Variants in ABCC4 observed in about 807,000 individuals in gnomAD.
ABCC4 encodes ATP binding cassette subfamily C member 4 (PEL blood group).
ABCC4 carries 102 observed loss-of-function variants against 168.5 expected under a neutral mutation model. The observed-to-expected ratio is 0.61, with a 90% CI of 0.52 to 0.71. The LOEUF is 0.71. ABCC4 is among the 30% of genes least tolerant of loss of function. The pLI is 0.00. For synonymous variants in ABCC4, 617 were observed against 590.7 expected, an observed-to-expected ratio of 1.04 and a Z score of -0.65; for missense variants, 1,402 against 1,605.8, an observed-to-expected ratio of 0.87 and a Z score of 2.17.
At chr13:95,206,415 G>A (rs187661682) in intron 8 of ABCC4, 117 bp downstream of exon 8, 84 of 1,380,606 alleles carry the variant, frequency 6.1e-5, no homozygotes, top group African/African-American at 1.6e-4. Flanking sequence ...ATGGCGGCAC[G>A]TTTTGGTTAT....
chr13:95,111,498 CA>C (rs2035203579), intron 20 of ABCC4, among the ~76,000 whole-genome samples: 1 of 152,108 alleles, frequency 6.6e-6, no homozygotes, highest in African/African-American at 2.4e-5. Flanking sequence ...AAGGCCTAAT[CA>C]AAAACCTCAC....
intron 29 of ABCC4, among the ~76,000 whole-genome samples, chr13:95,040,266 C>G (rs1016868810): frequency 6.6e-6 from 1 of 152,222 alleles, no homozygotes; most frequent in Non-Finnish European, 1.5e-5. Flanking sequence ...GGATCTCACT[C>G]TGTCGCCCAG....
chr13:95,162,939 G>C (rs561087183), intron 18 of ABCC4, among the ~76,000 whole-genome samples, 183 bp downstream of exon 18: 1 of 152,296 alleles, frequency 6.6e-6, no homozygotes, highest in East Asian at 1.9e-4. Context: ...AGAGTCTTCA[G>C]TCAACCTCTC....
chr13:95,090,001 C>T (rs981443171), intron 20 of ABCC4, among the ~76,000 whole-genome samples: 2 of 152,138 alleles, frequency 1.3e-5, no homozygotes, highest in Non-Finnish European at 2.9e-5. Context: ...TGAACTTTAG[C>T]TCTGGATCGA....
chr13:95,249,235 G>GAAA (rs1028753509), intron 1 of ABCC4, among the ~76,000 whole-genome samples: 1 of 150,220 alleles, frequency 6.7e-6, no homozygotes, highest in African/African-American at 2.4e-5. Context: ...AAAAAAAGAA[G>GAAA]AAGAAACATA....
intron 20 of ABCC4, among the ~76,000 whole-genome samples, chr13:95,099,631 G>T (rs947276185): frequency 5.3e-5 from 8 of 152,108 alleles, no homozygotes; most frequent in African/African-American, 1.9e-4. Flanking sequence ...TGCATTGAGG[G>T]TGGGAAAGGG....
At chr13:95,246,397 CT>C in intron 3 of ABCC4, among the ~76,000 whole-genome samples, 1 of 152,232 alleles carries the variant, frequency 6.6e-6, no homozygotes, top group East Asian at 1.9e-4. Context: ...CTTCAGCCAG[CT>C]CCAGCCTCTG....
chr13:95,046,694 C>T (rs563077672), intron 27 of ABCC4, among the ~76,000 whole-genome samples: 21 of 151,900 alleles, frequency 1.4e-4, no homozygotes, highest in African/African-American at 4.8e-4. Flanking sequence ...ACCAGGGAGG[C>T]GGAGGTTGCA....
chr13:95,269,435 ATATATATAT>A (rs143654568), intron 1 of ABCC4: 26,022 of 123,226 alleles, frequency 0.21, 3,274 homozygotes, highest in African/African-American at 0.44. Context: ...CAAAAAAAAA[ATATATATAT>A]ATATATATAT....
chr13:95,131,498 G>A (rs1014469198), intron 19 of ABCC4, among the ~76,000 whole-genome samples: 4 of 152,136 alleles, frequency 2.6e-5, no homozygotes, highest in African/African-American at 7.2e-5. Flanking sequence ...GCTTGGTGGT[G>A]CACGACTATA....
intron 8 of ABCC4, among the ~76,000 whole-genome samples, chr13:95,198,229 T>A (rs1309327032): frequency 1.3e-5 from 2 of 152,032 alleles, no homozygotes; most frequent in African/African-American, 4.8e-5. Context: ...AGGGCTAACA[T>A]CCAGAATCTA....
At chr13:95,108,112 C>G (rs969793969) in intron 20 of ABCC4, among the ~76,000 whole-genome samples, 2 of 152,062 alleles carry the variant, frequency 1.3e-5, no homozygotes, top group African/African-American at 4.8e-5. Flanking sequence ...GGGAATCTTA[C>G]TGACCACTCA....
At chr13:95,090,290 C>A (rs1328438740) in intron 20 of ABCC4, among the ~76,000 whole-genome samples, 1 of 152,174 alleles carries the variant, frequency 6.6e-6, no homozygotes. Context: ...TGCAAAGTGC[C>A]ACCTTCCAAC....
At chr13:95,086,655 T>C (rs1161415215) in intron 20 of ABCC4, among the ~76,000 whole-genome samples, 1 of 152,240 alleles carries the variant, frequency 6.6e-6, no homozygotes, top group Non-Finnish European at 1.5e-5. Context: ...CTAGTCTTTG[T>C]GAAGCTTGTG....
intron 30 of ABCC4, among the ~76,000 whole-genome samples, chr13:95,026,432 A>C (rs1003669304): frequency 6.6e-6 from 1 of 152,160 alleles, no homozygotes; most frequent in African/African-American, 2.4e-5. Flanking sequence ...AGGACATAAA[A>C]CATATACATG....
At chr13:95,098,960 T>C (rs2034703394) in intron 20 of ABCC4, among the ~76,000 whole-genome samples, 1 of 152,230 alleles carries the variant, frequency 6.6e-6, no homozygotes, top group Non-Finnish European at 1.5e-5. Flanking sequence ...ATAAAAATCC[T>C]TGTCATAGTT....
Position 95,098,134 on chromosome 13 carries a change from TA to T in ABCC4, c.2536-14845del, listed in dbSNP as rs66704412. Reference sequence around the variant, plus strand: ...CTGGGCGACAGAGTGAGATACTGTCTAAAAAAAAAAAAAAAAAAGTCAACTC... The same window carrying T: ...CTGGGCGACAGAGTGAGATACTGTCTAAAAAAAAAAAAAAAAAGTCAACTC... On this transcript the variant is annotated intron_variant, in intron 20 of 30. Coordinates refer to ENST00000645237, the MANE Select transcript of ABCC4 (RefSeq NM_005845.5). 1.3e-3 allele frequency among the ~76,000 whole-genome samples: 146 copies of T among 114,082 alleles called. 1 individual carries two copies. Among genetic ancestry groups the T allele is most frequent in the South Asian group, 8.4e-3 (29 of 3,450 alleles). The allele number at this position is 114,082 out of a possible 152,430, so 74.8% of individuals were successfully genotyped here.
intron 20 of ABCC4, among the ~76,000 whole-genome samples, chr13:95,103,223 C>A (rs1220881177): frequency 6.6e-6 from 1 of 152,092 alleles, no homozygotes; most frequent in Admixed American, 6.5e-5. Flanking sequence ...TGAGATCACG[C>A]CACTGCACTC....
In ABCC4 at chr13:95,190,383, A is replaced by C. The variant is rs1678359; in HGVS notation, c.1264-1841T>G. On this transcript the variant is annotated intron_variant, in intron 9 of 30. Transcript: ENST00000645237. ...GTTTATTATTTAGGAGACCAAATCA[A>C]ATTCATTACTTTTACAAAGAGCTTC... 2.5e-3 allele frequency among the ~76,000 whole-genome samples: 376 copies of C among 152,268 alleles called. 3 individuals are homozygous for C. The highest frequency in any genetic ancestry group is 8.8e-3 in the African/African-American group (366 of 41,548).
Sources: allele counts gnomAD v4.1 joint callset (sites outside exome capture counted in the v4.1 genomes callset), GRCh38; gene constraint gnomAD v4.1.1; transcripts MANE v1.5; gene names NCBI Gene and HGNC (gene_info 2026-07-23, HGNC 2026-07-21).